The following ADCY3 variants were observed in gnomAD, a reference collection of about 807,000 sequenced individuals.
ADCY3 encodes the protein adenylate cyclase 3.
A neutral mutation model predicts 119.4 loss-of-function variants in ADCY3; 70 were observed. The ratio of observed to expected loss-of-function variants is 0.59; its 90% confidence interval spans 0.48 to 0.72. The LOEUF (loss-of-function observed/expected upper bound fraction) is 0.72. Among genes scored for constraint, ADCY3 ranks in the 30% least tolerant of loss-of-function variants. ADCY3 has a pLI of 0.00. For synonymous variants in ADCY3, 672 were observed against 621.4 expected, an observed-to-expected ratio of 1.08 and a Z score of -1.21; for missense variants, 1,238 against 1,541.6, an observed-to-expected ratio of 0.80 and a Z score of 3.30.
intron 2 of ADCY3, among the ~76,000 whole-genome samples, chr2:24,903,458 G>C (rs1679143077): frequency 6.6e-6 from 1 of 151,826 alleles, no homozygotes; most frequent in Non-Finnish European, 1.5e-5. Context: ...AGACCAGCCG[G>C]GTCTGCGCTT....
chr2:24,888,278 G>A (rs534174371), intron 2 of ADCY3, among the ~76,000 whole-genome samples: 4 of 152,344 alleles, frequency 2.6e-5, no homozygotes, highest in Admixed American at 6.5e-5. Context: ...TGCACTGGCT[G>A]GGTTTTGGGC....
chr2:24,899,424 C>T lies in ADCY3; in HGVS notation c.675+18889G>A, dbSNP rs1400307642. Reference sequence around the variant, plus strand: ...TCTCGGCTGGAATGCTGCTGTCACCCCAGCCACCTCTGCCACCAGCCTGCC... The same window carrying T: ...TCTCGGCTGGAATGCTGCTGTCACCTCAGCCACCTCTGCCACCAGCCTGCC... On this transcript the variant is annotated intron_variant, in intron 2 of 21. Coordinates refer to ENST00000679454, the MANE Select transcript of ADCY3 (RefSeq NM_004036.5). The surrounding 1 kb of genome is among the most constrained non-coding windows in gnomAD (Gnocchi z 4.5). Among the ~76,000 whole-genome samples the T allele has an allele frequency of 6.6e-6, 1 of 152,222 alleles. No individual in the cohort carries two copies. The highest frequency in any genetic ancestry group is 2.4e-5 in the African/African-American group (1 of 41,450).
chr2:24,900,704 A>G (rs1678807764), intron 2 of ADCY3, among the ~76,000 whole-genome samples: 1 of 152,228 alleles, frequency 6.6e-6, no homozygotes, highest in Non-Finnish European at 1.5e-5. Flanking sequence ...AGAGCAACAT[A>G]GCTGAATTCA....
At chr2:24,859,130 GT>G (rs909621911) in intron 3 of ADCY3, among the ~76,000 whole-genome samples, 30 of 152,222 alleles carry the variant, frequency 2.0e-4, no homozygotes, top group African/African-American at 7.2e-4. Context: ...TTTGTGGGTG[GT>G]TCTGTGAAGA....
At chr2:24,900,264 C>A (rs1184688468) in intron 2 of ADCY3, among the ~76,000 whole-genome samples, 1 of 148,512 alleles carries the variant, frequency 6.7e-6, no homozygotes, top group Non-Finnish European at 1.5e-5. Flanking sequence ...GTGTGCGCCA[C>A]CACCCAGGAG....
At chr2:24,860,957 A>G (rs1673561143) in intron 3 of ADCY3, among the ~76,000 whole-genome samples, 2 of 152,370 alleles carry the variant, frequency 1.3e-5, no homozygotes, top group Admixed American at 1.3e-4. Flanking sequence ...GCAGCTTAGA[A>G]AACAAGATAA....
At chr2:24,857,524 T>C (rs879720063) in intron 3 of ADCY3, among the ~76,000 whole-genome samples, 3 of 152,276 alleles carry the variant, frequency 2.0e-5, no homozygotes, top group Non-Finnish European at 2.9e-5. Context: ...CTAGTGCTAC[T>C]GAAAGACTAA....
At chr2:24,857,230 G>A (rs1572904685) in intron 3 of ADCY3, among the ~76,000 whole-genome samples, 1 of 152,274 alleles carries the variant, frequency 6.6e-6, no homozygotes, top group East Asian at 1.9e-4. Context: ...GGGCCACCGT[G>A]TAGGCCAAGG....
chr2:24,911,711 CGT>C (rs376992455), intron 2 of ADCY3, among the ~76,000 whole-genome samples: 21 of 145,978 alleles, frequency 1.4e-4, no homozygotes, highest in Non-Finnish European at 1.4e-4. Context: ...TGGTTGTGTA[CGT>C]GTGTGTGTGT....
rs1325456620 is a variant in ADCY3, at chr2:24,878,738, G to C, written c.676-6019C>G. Among the ~76,000 whole-genome samples, 2 of 152,156 alleles carry C rather than the reference G, an allele frequency of 1.3e-5. No individual in the cohort carries two copies. The highest frequency in any genetic ancestry group is 4.8e-5 in the African/African-American group (2 of 41,444). On this transcript the variant is annotated intron_variant, in intron 2 of 21. Coordinates refer to ENST00000679454, the MANE Select transcript of ADCY3 (RefSeq NM_004036.5). The surrounding 1 kb of genome is among the most constrained non-coding windows in gnomAD (Gnocchi z 4.0). ...TGAGGCCGCCACTCAGCACAGATGG[G>C]TCCCACTTCTGGGGCCACTCTCGCT...
intron 3 of ADCY3, among the ~76,000 whole-genome samples, chr2:24,862,066 G>T (rs187739234): frequency 6.6e-5 from 10 of 152,280 alleles, no homozygotes; most frequent in African/African-American, 2.4e-4. Flanking sequence ...AGAGGCTGTG[G>T]ATGCAAATCC....
At chr2:24,907,424 T>C (rs1397170693) in intron 2 of ADCY3, among the ~76,000 whole-genome samples, 1 of 152,214 alleles carries the variant, frequency 6.6e-6, no homozygotes, top group Non-Finnish European at 1.5e-5. Flanking sequence ...AGATTTCTTC[T>C]GAAACAAGTC....
At chr2:24,904,861 G>A (rs1679295683) in intron 2 of ADCY3, among the ~76,000 whole-genome samples, 1 of 152,016 alleles carries the variant, frequency 6.6e-6, no homozygotes, top group Admixed American at 6.5e-5. Flanking sequence ...GGCTGGTCTT[G>A]AACTCCTGAC....
At chr2:24,865,868 C>T (rs1019842606) in intron 3 of ADCY3, among the ~76,000 whole-genome samples, 2 of 152,066 alleles carry the variant, frequency 1.3e-5, no homozygotes, top group African/African-American at 4.8e-5. Context: ...GAGCCCAATG[C>T]ACTCCACCAC....
At chr2:24,857,065 A>G (rs953707196) in intron 3 of ADCY3, among the ~76,000 whole-genome samples, 3 of 152,228 alleles carry the variant, frequency 2.0e-5, no homozygotes, top group African/African-American at 7.2e-5. Context: ...GGCCAGACTA[A>G]CAAGCCACCA....
In ADCY3 at chr2:24,880,788, G is replaced by A. The variant is rs1558493379; in HGVS notation, c.676-8069C>T. Among the ~76,000 whole-genome samples the A allele has an allele frequency of 2.0e-5, 3 of 152,134 alleles. No individual in the cohort carries two copies. The South Asian group carries it at 6.2e-4, about 32-fold the overall frequency. ...CTCAGCACTTTGGGAGGCCAAGGCG[G>A]GTGGATCACCTGAGGTCAGGAGTTC... On this transcript the variant is annotated intron_variant, in intron 2 of 21. Transcript: ENST00000679454.
intron 16 of ADCY3, among the ~76,000 whole-genome samples, 178 bp from the exon 17 acceptor site, chr2:24,824,714 C>T (rs1179260892): frequency 1.3e-5 from 2 of 152,146 alleles, no homozygotes; most frequent in Non-Finnish European, 2.9e-5. Flanking sequence ...CATGGTGAAA[C>T]CCTGTCTCTA....
chr2:24,842,452 G>T lies in ADCY3; in HGVS notation c.826-68C>A. ...CTAGAGGCAAGTTCAGATACTTCTG[G>T]GAAGAAATGCCCCGATCCTGGCAAG... On this transcript the variant is annotated intron_variant, in intron 3 of 21. Coordinates refer to ENST00000679454, the MANE Select transcript of ADCY3 (RefSeq NM_004036.5). The surrounding 1 kb of genome is among the most constrained non-coding windows in gnomAD (Gnocchi z 4.9). 6.3e-7 allele frequency: 1 copy of T among 1,595,566 alleles called. No homozygotes were observed. The highest frequency in any genetic ancestry group is 1.1e-5 in the South Asian group (1 of 89,300).
rs142796835 is a variant in ADCY3 at position 24,834,576 on chromosome 2, C to G, written c.1876G>C (p.Val626Leu). ...MDPEMETRYS[V>L]EKEKQSGAAF... is the part of the protein sequence containing the mutation. Reference sequence around the variant, plus strand: ...GCCCCACTCTGCTTCTCCTTCTCCACCGAGTAGCGGGTTTCCATCTCGGGG... The same window carrying G: ...GCCCCACTCTGCTTCTCCTTCTCCAGCGAGTAGCGGGTTTCCATCTCGGGG... The change falls in exon 11 of 22, where the codon GTG becomes CTG. Residue 626 changes from valine to leucine, a missense_variant. Val to Leu is a conservative substitution (Grantham distance 32, BLOSUM62 1). Around this residue, in one of 7 missense-constraint regions of ADCY3, gnomAD observed 499 missense variants for 571.0 expected, o/e 0.87. Transcript: ENST00000679454. The surrounding 1 kb of genome is among the most constrained non-coding windows in gnomAD (Gnocchi z 4.2). 6.8e-6 allele frequency: 11 copies of G among 1,614,018 alleles called. No individual in the cohort carries two copies. The highest frequency in any genetic ancestry group is 8.5e-6 in the Non-Finnish European group (10 of 1,180,042).
Sources: allele counts gnomAD v4.1 joint callset (sites outside exome capture counted in the v4.1 genomes callset), GRCh38; gene constraint gnomAD v4.1.1; regional missense constraint gnomAD v4.1.1; non-coding constraint Gnocchi (gnomAD v3.1); transcripts MANE v1.5; gene names NCBI Gene and HGNC (gene_info 2026-07-23, HGNC 2026-07-21).